Variants in SLIT3 observed in about 807,000 individuals in gnomAD.
SLIT3 encodes the protein slit guidance ligand 3, also known as slit homolog 3 protein.
SLIT3 carries 68 observed loss-of-function variants against 184.0 expected under a neutral mutation model. The ratio of observed to expected loss-of-function variants is 0.37; its 90% CI spans 0.30 to 0.45. The LOEUF is 0.45. Among genes scored for constraint, SLIT3 ranks in the 20% least tolerant of loss-of-function variants. The pLI is 1.00. For synonymous variants in SLIT3, 831 were observed against 828.6 expected, an observed-to-expected ratio of 1.00 and a Z score of -0.05; for missense variants, 1,707 against 2,026.0, an observed-to-expected ratio of 0.84 and a Z score of 3.02.
chr5:168,702,437 G>A (rs1402894015), intron 26 of SLIT3, among the ~76,000 whole-genome samples: 1 of 152,138 alleles, frequency 6.6e-6, no homozygotes, highest in African/African-American at 2.4e-5. Context: ...TTAGTGCTGG[G>A]AGCCTCTATG....
chr5:168,957,923 T>G (rs990588942), intron 4 of SLIT3, among the ~76,000 whole-genome samples: 4 of 152,210 alleles, frequency 2.6e-5, no homozygotes, highest in Admixed American at 6.5e-5. Flanking sequence ...CAACCCAGTT[T>G]GGTTAATGAA....
At position 169,300,624 on chromosome 5, in the gene SLIT3, G is replaced by A. The variant is rs967183596; in HGVS notation, c.86C>T (p.Pro29Leu). The A allele has an allele frequency of 1.3e-5, 20 of 1,501,646 alleles. No individual in the cohort carries two copies. Among genetic ancestry groups the A allele is most frequent in the African/African-American group, 2.9e-5 (2 of 69,174 alleles). 93.0% of individuals were successfully genotyped at this position (1,501,646 alleles called of 1,614,324 possible). The change falls in exon 1 of 36, where the codon CCT becomes CTT. Residue 29 changes from proline to leucine, a missense_variant. Physicochemically the swap from Pro to Leu is moderately conservative, Grantham distance 98. This residue lies in a region of SLIT3 where 1,307 missense variants were observed against 1,511.6 expected (regional missense o/e 0.86). Coordinates refer to ENST00000519560, the MANE Select transcript of SLIT3 (RefSeq NM_003062.4). The surrounding 1 kb of genome is among the most constrained non-coding windows in gnomAD (Gnocchi z 4.1). The part of the protein sequence containing the change: ...ALALASVLSG[P>L]PAVACPTKCT... ...CTTGGTGGGGCAGGCGACGGCTGGAGGCCCACTCAGGACGCTCGCCAGCGC... is the reference window on the plus strand; with the variant it reads ...CTTGGTGGGGCAGGCGACGGCTGGAAGCCCACTCAGGACGCTCGCCAGCGC...
intron 8 of SLIT3, among the ~76,000 whole-genome samples, chr5:168,809,921 C>T (rs1757109275): frequency 6.6e-6 from 1 of 152,130 alleles, no homozygotes; most frequent in African/African-American, 2.4e-5. Context: ...GGTGGAGTGG[C>T]CGTGGGAGAT....
At chr5:168,715,704 AC>A (rs1448968298) in intron 23 of SLIT3, among the ~76,000 whole-genome samples, 2 of 152,190 alleles carry the variant, frequency 1.3e-5, no homozygotes, top group African/African-American at 4.8e-5. Context: ...AGACAGTCTC[AC>A]TTTGTTGCCC....
Position 168,711,016 on chromosome 5 carries a change from C to A in SLIT3, c.2598G>T (p.Arg866=). Residue 866 remains arginine, a synonymous_variant, in exon 25 of 36, where the codon CGG becomes CGT. Coordinates refer to ENST00000519560, the MANE Select transcript of SLIT3 (RefSeq NM_003062.4). ...CCGCCTTCACCCACTCCGACAGCCA[C>A]CGAAGACTGCAGTCACAGTGGAGTG... ...TNPLHCDCSL[R]WLSEWVKAGY... is the part of the protein sequence containing the mutation. 1 of 1,586,216 alleles carries A rather than the reference C, an allele frequency of 6.3e-7. No homozygotes were observed. Among genetic ancestry groups the A allele is most frequent in the Non-Finnish European group, 8.6e-7 (1 of 1,165,514 alleles).
At chr5:168,712,569 G>C in intron 23 of SLIT3, 1 of 557,756 alleles carries the variant, frequency 1.8e-6, no homozygotes, top group East Asian at 2.9e-5. Context: ...TGCGGAAGAA[G>C]GGGGTGGACT....
chr5:168,784,495 G>A (rs1053570385), intron 12 of SLIT3, among the ~76,000 whole-genome samples: 3 of 152,148 alleles, frequency 2.0e-5, no homozygotes, highest in Admixed American at 1.3e-4. Flanking sequence ...CCTGGTTGCT[G>A]GTATGATAGA....
At chr5:169,255,065 A>G (rs1450923980) in intron 1 of SLIT3, among the ~76,000 whole-genome samples, 1 of 152,234 alleles carries the variant, frequency 6.6e-6, no homozygotes, top group Non-Finnish European at 1.5e-5. Flanking sequence ...TATCACTCAC[A>G]TGTTTATGTG....
At chr5:169,157,868 C>G (rs1020279907) in intron 4 of SLIT3, among the ~76,000 whole-genome samples, 1 of 150,842 alleles carries the variant, frequency 6.6e-6, no homozygotes, top group African/African-American at 2.4e-5. Flanking sequence ...GAAAAAATAG[C>G]CAAAATAAAA....
chr5:169,210,324 A>G (rs12655674), intron 3 of SLIT3, among the ~76,000 whole-genome samples: 9,652 of 152,238 alleles, frequency 0.063, 467 homozygotes, highest in East Asian at 0.19. Flanking sequence ...TGCACAAAAA[A>G]ATTTACTTGC....
chr5:168,972,377 G>GTGTGTGTGTGTGTGTGTGTGTA (rs1554086377), intron 4 of SLIT3, among the ~76,000 whole-genome samples: 1 of 151,052 alleles, frequency 6.6e-6, no homozygotes, highest in Non-Finnish European at 1.5e-5. Context: ...GTGTGTGTGT[G>GTGTGTGTGTGTGTGTGTGTGTA]AAGAGAGAAA....
intron 4 of SLIT3, among the ~76,000 whole-genome samples, chr5:169,155,206 A>C (rs1220195909): frequency 2.6e-5 from 4 of 152,180 alleles, no homozygotes; most frequent in Admixed American, 1.3e-4. Context: ...GCACATCCAC[A>C]TATTTTCCTT....
At chr5:169,129,554 CA>C in intron 4 of SLIT3, among the ~76,000 whole-genome samples, 1 of 151,246 alleles carries the variant, frequency 6.6e-6, no homozygotes, top group Non-Finnish European at 1.5e-5. Flanking sequence ...TCAGTCCCCC[CA>C]AAAAAAAGTT....
chr5:168,926,836 C>A (rs567464840), intron 4 of SLIT3, among the ~76,000 whole-genome samples: 1 of 152,146 alleles, frequency 6.6e-6, no homozygotes, highest in East Asian at 1.9e-4. Flanking sequence ...GAGACATCAA[C>A]TCACACCTAT....
At chr5:168,693,934 C>T (rs1019829163) in intron 28 of SLIT3, among the ~76,000 whole-genome samples, 13 of 152,300 alleles carry the variant, frequency 8.5e-5, no homozygotes, top group African/African-American at 2.9e-4. Context: ...GAGAAGCAGA[C>T]AAGTATCTGT....
intron 4 of SLIT3, among the ~76,000 whole-genome samples, chr5:169,092,995 C>T (rs1266038453): frequency 6.6e-6 from 1 of 152,110 alleles, no homozygotes; most frequent in East Asian, 1.9e-4. Context: ...TTATCCAGGG[C>T]GGAGTTCTGG....
At chr5:168,820,236 C>T (rs1196488917) in intron 7 of SLIT3, among the ~76,000 whole-genome samples, 1 of 152,132 alleles carries the variant, frequency 6.6e-6, no homozygotes, top group African/African-American at 2.4e-5. Flanking sequence ...CCTCCATAGG[C>T]TCCTGGGCTG....
intron 3 of SLIT3, among the ~76,000 whole-genome samples, chr5:169,205,013 G>C (rs12656908): frequency 6.6e-6 from 1 of 152,126 alleles, no homozygotes; most frequent in East Asian, 1.9e-4. Context: ...GCGTTTCCAG[G>C]CAACTATGAT....
intron 3 of SLIT3, among the ~76,000 whole-genome samples, chr5:169,221,663 T>A (rs11134563): frequency 2.0e-5 from 3 of 152,006 alleles, no homozygotes; most frequent in Non-Finnish European, 4.4e-5. Context: ...GGTGTGTGAC[T>A]TGCCTTCAGA....
Sources: gnomAD v4.1 joint callset for allele counts (sites outside exome capture counted in the v4.1 genomes callset) on GRCh38, gnomAD v4.1.1 for gene constraint, gnomAD v4.1.1 regional missense constraint, Gnocchi (gnomAD v3.1) non-coding constraint, MANE v1.5 for transcripts, NCBI Gene and HGNC (gene_info 2026-07-23, HGNC 2026-07-21) for gene names.